The following ADRA1B variants were observed in gnomAD, a reference collection of about 807,000 sequenced individuals.
ADRA1B encodes the protein alpha-1B adrenergic receptor.
Under a neutral mutation model 17.9 loss-of-function variants are expected in ADRA1B, and 17 were observed. The observed-to-expected ratio is 0.95, with a 90% confidence interval of 0.65 to 1.42. The LOEUF is 1.42. Ranked by LOEUF, ADRA1B falls within the 40% of genes most tolerant of loss-of-function variation. The probability of loss-of-function intolerance (pLI) is 0.00; values close to 1 mark genes in which losing one functional copy is unlikely to be tolerated. For missense variants in ADRA1B, 681 were observed against 722.1 expected (o/e 0.94, Z 0.65); for synonymous variants, 366 against 327.6 (o/e 1.12, Z -1.27).
At chr5:159,873,275 C>G (rs1753768498) in intron 1 of ADRA1B, among the ~76,000 whole-genome samples, 1 of 152,136 alleles carries the variant, frequency 6.6e-6, no homozygotes, top group African/African-American at 2.4e-5. Context: ...ATTTATAATC[C>G]TTTGGGTTTA....
At chr5:159,983,840 G>A in the ADRA1B span, among the ~76,000 whole-genome samples, 64 of 151,958 alleles carry the variant, frequency 4.2e-4, no homozygotes, top group South Asian at 3.6e-3. Flanking sequence ...AAACTACTCT[G>A]GTATTTCCCC....
At chr5:159,987,287 G>A in the ADRA1B span, among the ~76,000 whole-genome samples, 1 of 152,266 alleles carries the variant, frequency 6.6e-6, no homozygotes, top group Non-Finnish European at 1.5e-5. Context: ...ATCCTCCTGC[G>A]GCGGGGGCGC....
intron 1 of ADRA1B, among the ~76,000 whole-genome samples, chr5:159,871,875 C>G (rs1292895155): frequency 6.6e-6 from 1 of 152,148 alleles, no homozygotes; most frequent in Non-Finnish European, 1.5e-5. Flanking sequence ...ATGGTGGCAA[C>G]TTTTACTTAC....
intron 1 of ADRA1B, among the ~76,000 whole-genome samples, chr5:159,873,823 A>G (rs1753774721): frequency 1.3e-5 from 2 of 152,172 alleles, no homozygotes; most frequent in South Asian, 4.2e-4. Flanking sequence ...ACAAATGGAG[A>G]TACCATGAAA....
the ADRA1B span, among the ~76,000 whole-genome samples, chr5:159,980,556 A>C: frequency 6.6e-6 from 1 of 152,168 alleles, no homozygotes; most frequent in African/African-American, 2.4e-5. Flanking sequence ...CTGCACTGAA[A>C]TCCTGGTTCT....
chr5:159,894,789 AG>A (rs1754024252), intron 1 of ADRA1B, among the ~76,000 whole-genome samples: 1 of 152,292 alleles, frequency 6.6e-6, no homozygotes, highest in South Asian at 2.1e-4. Flanking sequence ...TCAGCTCTCT[AG>A]CCCCAGGAAG....
chr5:159,964,341 G>A (rs1755733207), intron 1 of ADRA1B, among the ~76,000 whole-genome samples: 1 of 152,204 alleles, frequency 6.6e-6, no homozygotes, highest in African/African-American at 2.4e-5. Flanking sequence ...TCGAGAAAGA[G>A]GGAGCAGGCC....
intron 1 of ADRA1B, among the ~76,000 whole-genome samples, chr5:159,938,643 T>TC (rs1436967553): frequency 1.1e-4 from 17 of 152,196 alleles, no homozygotes; most frequent in African/African-American, 3.9e-4. Context: ...GACTAATGGG[T>TC]CATTTGCCAG....
intron 1 of ADRA1B, among the ~76,000 whole-genome samples, chr5:159,872,648 C>T (rs1407682536): frequency 6.6e-6 from 1 of 152,102 alleles, no homozygotes; most frequent in Non-Finnish European, 1.5e-5. Flanking sequence ...CTCTCACTAC[C>T]ATCATAGAAA....
chr5:159,929,198 A>G (rs2113194335), intron 1 of ADRA1B: 1 of 152,348 alleles, frequency 6.6e-6, no homozygotes, highest in East Asian at 1.9e-4. Context: ...TTTATTATAG[A>G]GTAAAAAAAG....
At chr5:159,938,166 T>A (rs765697733) in intron 1 of ADRA1B, among the ~76,000 whole-genome samples, 4 of 152,204 alleles carry the variant, frequency 2.6e-5, no homozygotes, top group Non-Finnish European at 5.9e-5. Context: ...GAATTAACTC[T>A]TGGTTTTCTT....
At chr5:159,951,516 G>T (rs1755439508) in intron 1 of ADRA1B, 1 of 655,396 alleles carries the variant, frequency 1.5e-6, no homozygotes, top group Non-Finnish European at 2.8e-6. Flanking sequence ...TGGGGATGCA[G>T]CTGGCAATGC....
chr5:159,972,270 G>A lies in ADRA1B; in HGVS notation c.1341G>A (p.Trp447Ter). ...TCGAGCTGTGCGCCTTCCCCGAGTG[G>A]AAGGCGCCCGGCGCCCTCCTGAGCC... ...PPVELCAFPE[W>*]KAPGALLSLP... The change falls in exon 2 of 2, where the codon TGG becomes TGA. Residue 447 changes from tryptophan (W) to a stop codon, truncating the protein, a stop_gained. Coordinates refer to ENST00000306675, the MANE Select transcript of ADRA1B (RefSeq NM_000679.4). LOFTEE classifies it low-confidence loss of function (END_TRUNC). 7.6e-7 allele frequency: 1 copy of A among 1,316,312 alleles called. No individual in the cohort carries two copies. The highest frequency in any genetic ancestry group is 9.7e-7 in the Non-Finnish European group (1 of 1,027,804). The allele number at this position is 1,316,312 out of a possible 1,614,324, so 81.5% of individuals were successfully genotyped here. A position where few individuals can be genotyped will look rare whatever the true frequency, so the allele number is the denominator to read the frequency against.
At chr5:159,953,894 A>G (rs985282176) in intron 1 of ADRA1B, among the ~76,000 whole-genome samples, 37 of 149,670 alleles carry the variant, frequency 2.5e-4, no homozygotes, top group Admixed American at 1.0e-3. Context: ...AGAGCTGGTG[A>G]AAAAAAAAAG....
intron 1 of ADRA1B, among the ~76,000 whole-genome samples, chr5:159,887,856 G>A (rs899592274): frequency 2.6e-5 from 4 of 151,074 alleles, no homozygotes; most frequent in Admixed American, 6.6e-5. Context: ...CTAGCATTTC[G>A]GTGGAAGTGC....
chr5:159,928,433 C>G (rs1056544617), intron 1 of ADRA1B, among the ~76,000 whole-genome samples: 1 of 152,230 alleles, frequency 6.6e-6, no homozygotes, highest in East Asian at 1.9e-4. Context: ...GTGCCCCTCT[C>G]TGGTGCGAGC....
chr5:159,885,177 T>C (rs1753910295), intron 1 of ADRA1B, among the ~76,000 whole-genome samples: 1 of 152,100 alleles, frequency 6.6e-6, no homozygotes, highest in African/African-American at 2.4e-5. Context: ...GAGCAAGCAG[T>C]CCAAACAAGA....
At chr5:159,982,195 A>G in the ADRA1B span, among the ~76,000 whole-genome samples, 1 of 152,256 alleles carries the variant, frequency 6.6e-6, no homozygotes, top group African/African-American at 2.4e-5. Context: ...AGCCCAGCCA[A>G]TCCCCATAAT....
At chr5:159,950,362 G>C in intron 1 of ADRA1B, 1 of 584,328 alleles carries the variant, frequency 1.7e-6, no homozygotes, top group Non-Finnish European at 3.1e-6. Flanking sequence ...CCTCTTCAGG[G>C]GGTCTGTATG....
Sources: gnomAD v4.1 joint callset for allele counts (sites outside exome capture counted in the v4.1 genomes callset) on GRCh38, gnomAD v4.1.1 for gene constraint, MANE v1.5 for transcripts, NCBI Gene and HGNC (gene_info 2026-07-23, HGNC 2026-07-21) for gene names.